Variants in UROC1 observed in about 807,000 individuals in gnomAD.
UROC1 encodes urocanate hydratase 1, also known as urocanate hydratase.
UROC1 carries 79 observed loss-of-function variants against 89.5 expected under a neutral mutation model. The ratio of observed to expected loss-of-function variants is 0.88; its 90% CI spans 0.74 to 1.06. UROC1 has a LOEUF of 1.06. Ranked by LOEUF, UROC1 falls within the 50% of genes least tolerant of loss-of-function variation. The pLI, the probability that UROC1 is intolerant of heterozygous loss-of-function variation, is 0.00. For missense variants in UROC1, 885 were observed against 907.8 expected, an observed-to-expected ratio of 0.97 and a Z score of 0.32; for synonymous variants, 361 against 354.8, an observed-to-expected ratio of 1.02 and a Z score of -0.20.
In UROC1 at chr3:126,498,104, G is replaced by A. The variant is rs763479378; in HGVS notation, c.1385C>T (p.Ala462Val). The A allele has an allele frequency of 1.9e-5, 30 of 1,614,162 alleles. No individual in the cohort carries two copies. The highest frequency in any genetic ancestry group is 4.5e-5 in the East Asian group (2 of 44,878). The part of the protein sequence containing the change: ...VCTSGDPQDL[A>V]VTDELATSVL... Reference sequence around the variant, plus strand: ...AGATGTGGCCAGTTCGTCTGTGACCGCCAGGTCCTGGGGGTCCCCCGATGT... The same window carrying A: ...AGATGTGGCCAGTTCGTCTGTGACCACCAGGTCCTGGGGGTCCCCCGATGT... The change falls in exon 14 of 20, where the codon GCG (alanine) becomes GTG (valine). Residue 462 changes from alanine to valine, a missense_variant. Coordinates refer to ENST00000290868, the MANE Select transcript of UROC1 (RefSeq NM_144639.3).
intron 1 of UROC1, among the ~76,000 whole-genome samples, chr3:126,514,454 G>A (rs745492051): frequency 2.6e-5 from 4 of 152,106 alleles, no homozygotes; most frequent in African/African-American, 4.8e-5. Flanking sequence ...GAGCTGTGTC[G>A]GGCGCATGCT....
intron 4 of UROC1, among the ~76,000 whole-genome samples, 156 bp downstream of exon 4, chr3:126,508,260 C>T (rs767039827): frequency 2.5e-4 from 38 of 152,228 alleles, no homozygotes; most frequent in Non-Finnish European, 4.6e-4. Context: ...ATTCCTATAA[C>T]CTGAAATTTC....
At chr3:126,497,850 A>T (rs543555183) in intron 14 of UROC1, among the ~76,000 whole-genome samples, 32 of 152,210 alleles carry the variant, frequency 2.1e-4, no homozygotes, top group Non-Finnish European at 3.5e-4. Context: ...ACACTTGGGG[A>T]CCAGGATCTT....
chr3:126,483,568 C>G, intron 18 of UROC1, 100 bp from the exon 19 acceptor site: 1 of 1,166,238 alleles, frequency 8.6e-7, no homozygotes, highest in Non-Finnish European at 1.2e-6. Flanking sequence ...GAGACGGCGT[C>G]AGGGTTGGGG....
chr3:126,494,684 G>A (rs991258236), intron 15 of UROC1, among the ~76,000 whole-genome samples: 17 of 152,134 alleles, frequency 1.1e-4, no homozygotes, highest in African/African-American at 3.1e-4. Flanking sequence ...TACTGCCACC[G>A]TGGGGCCTGT....
chr3:126,493,544 G>A (rs771396646), intron 15 of UROC1, among the ~76,000 whole-genome samples: 5 of 152,156 alleles, frequency 3.3e-5, no homozygotes, highest in Admixed American at 2.0e-4. Context: ...GTCTGATCTC[G>A]CTTATATGAG....
chr3:126,488,953 A>G (rs552207500), intron 17 of UROC1, among the ~76,000 whole-genome samples: 204 of 152,292 alleles, frequency 1.3e-3, no homozygotes, highest in African/African-American at 4.7e-3. Context: ...GTGCTCAGCT[A>G]TGAAGATGGG....
At chr3:126,505,072 A>G (rs567638840) in intron 8 of UROC1, among the ~76,000 whole-genome samples, 1 of 151,904 alleles carries the variant, frequency 6.6e-6, no homozygotes, top group South Asian at 2.1e-4. Flanking sequence ...TCCCTCTCTC[A>G]CCGTGTGACC....
At chr3:126,505,653 G>GAGGC (rs769790042) in intron 8 of UROC1, 48 bp downstream of exon 8, 1 of 1,560,340 alleles carries the variant, frequency 6.4e-7, no homozygotes, top group Non-Finnish European at 8.8e-7. Context: ...GGGAGGGAGG[G>GAGGC]AGGGAGGGAG....
Position 126,496,079 on chromosome 3 carries a change from C to G in UROC1, c.1468G>C (p.Asp490His), listed in dbSNP as rs759882583. 3 of 1,613,432 alleles carry G rather than the reference C, an allele frequency of 1.9e-6. No homozygotes were observed. The highest frequency in any genetic ancestry group is 2.5e-6 in the Non-Finnish European group (3 of 1,180,008). ...VKVSVKLQYM[D>H]NIRWIREAAR... ...GCCTCCCGGATCCAGCGGATGTTGTCCATGTACTGCAGCTTCACAGACACC... is the reference window on the plus strand; with the variant it reads ...GCCTCCCGGATCCAGCGGATGTTGTGCATGTACTGCAGCTTCACAGACACC... The change falls in exon 15 of 20, where the codon GAC becomes CAC. Residue 490 changes from aspartate to histidine, a missense_variant. By Grantham distance (81) the Asp-to-His change is moderately conservative (BLOSUM62 -1). Transcript: ENST00000290868.
In UROC1 at chr3:126,501,293, A is replaced by G. The variant is rs753651300; in HGVS notation, c.903-13T>C. On this transcript the variant is annotated splice_polypyrimidine_tract_variant and intron_variant, in intron 9 of 19. Transcript: ENST00000290868. ...TTTCCTTGCTTCCCTGGAAGGACAC[A>G]AAAGCAGAACAGGTGCCCCCTGCAC... The G allele has an allele frequency of 2.6e-5, 42 of 1,613,816 alleles. No homozygotes were observed. The highest frequency in any genetic ancestry group is 3.3e-5 in the Non-Finnish European group (39 of 1,179,958).
At chr3:126,488,324 T>A in intron 17 of UROC1, 45 bp from the exon 18 acceptor site, 1 of 1,609,528 alleles carries the variant, frequency 6.2e-7, no homozygotes, top group Non-Finnish European at 8.5e-7. Context: ...CTGCACTGGG[T>A]GGGCACCTGG....
Position 126,482,065 on chromosome 3 carries a change from C to A in UROC1, c.*280G>T. On this transcript the variant is annotated 3_prime_UTR_variant, in exon 20 of 20. Coordinates refer to ENST00000290868, the MANE Select transcript of UROC1 (RefSeq NM_144639.3). ...TGACCAGTGTTCACCGCAGGGCCCC[C>A]GGGCAGGCTTGGGACTTGGCCCTAA... 2.0e-6 allele frequency: 1 copy of A among 502,626 alleles called. No homozygotes were observed. The highest frequency in any genetic ancestry group is 3.6e-6 in the Non-Finnish European group (1 of 277,356). The allele number at this position is 502,626 out of a possible 1,614,324, so 31.1% of individuals were successfully genotyped here.
In UROC1 at chr3:126,498,103, C is replaced by T. The variant is rs140231514; in HGVS notation, c.1386G>A (p.Ala462=). ...VCTSGDPQDL[A]VTDELATSVL... Reference sequence around the variant, plus strand: ...CAGATGTGGCCAGTTCGTCTGTGACCGCCAGGTCCTGGGGGTCCCCCGATG... The same window carrying T: ...CAGATGTGGCCAGTTCGTCTGTGACTGCCAGGTCCTGGGGGTCCCCCGATG... Residue 462 remains alanine, a synonymous_variant, in exon 14 of 20, where the codon GCG becomes GCA. Transcript: ENST00000290868. 6.3e-5 allele frequency: 101 copies of T among 1,614,138 alleles called. No individual in the cohort carries two copies. In the African/African-American group the frequency reaches 9.7e-4, roughly 16 times the overall value.
At chr3:126,501,101 G>A (rs1029569823) in intron 10 of UROC1, 117 bp downstream of exon 10, 9 of 1,256,922 alleles carry the variant, frequency 7.2e-6, no homozygotes, top group Middle Eastern at 2.0e-4. Flanking sequence ...CAAGGGTGGC[G>A]CTGAACTGGG....
At chr3:126,500,364 A>G (rs963377123) in intron 11 of UROC1, among the ~76,000 whole-genome samples, 4 of 151,812 alleles carry the variant, frequency 2.6e-5, no homozygotes, top group Non-Finnish European at 5.9e-5. Context: ...CCAGCTGGCA[A>G]CTCCCTAAAC....
intron 19 of UROC1, 80 bp from the exon 20 acceptor site, chr3:126,482,565 C>G (rs1935414801): frequency 5.0e-6 from 8 of 1,607,282 alleles, no homozygotes; most frequent in Non-Finnish European, 6.0e-6. Flanking sequence ...CACTTGGGGC[C>G]TCTCTGCTTC....
At chr3:126,487,752 C>T (rs946272460) in intron 18 of UROC1, among the ~76,000 whole-genome samples, 3 of 152,224 alleles carry the variant, frequency 2.0e-5, no homozygotes, top group Non-Finnish European at 4.4e-5. Flanking sequence ...CACCAGGTCT[C>T]CTGCCCCCAG....
chr3:126,505,906 G>A lies in UROC1; in HGVS notation c.669+39C>T, dbSNP rs1410030461. ...CCAGCCCGCCCCCTCCACCCCCCAT[G>A]CTGGGAAGCCCACAGCCAGGCGTGG... On this transcript the variant is annotated intron_variant, in intron 7 of 19. Transcript: ENST00000290868. 2.6e-6 allele frequency: 4 copies of A among 1,560,408 alleles called. No homozygotes were observed. In the South Asian group the frequency reaches 3.3e-5, roughly 13 times the overall value.
Sources: gnomAD v4.1 joint callset for allele counts (sites outside exome capture counted in the v4.1 genomes callset) on GRCh38, gnomAD v4.1.1 for gene constraint, MANE v1.5 for transcripts, NCBI Gene and HGNC (gene_info 2026-07-23, HGNC 2026-07-21) for gene names.